The following AGAP1 variants were observed in gnomAD, a reference collection of about 807,000 sequenced individuals.
AGAP1 encodes the protein ArfGAP with GTPase domain, ankyrin repeat and PH domain 1.
Under a neutral mutation model 105.3 loss-of-function variants are expected in AGAP1, and 29 were observed. The observed-to-expected ratio is 0.28, with a 90% CI of 0.21 to 0.38. AGAP1 has a LOEUF of 0.38. Among genes scored for constraint, AGAP1 ranks in the 10% least tolerant of loss-of-function variants. The pLI is 1.00. For missense variants in AGAP1, 998 were observed against 1,165.1 expected (o/e 0.86, Z 2.09); for synonymous variants, 509 against 485.9 (o/e 1.05, Z -0.63).
Position 236,114,373 on chromosome 2 carries a change from T to C in AGAP1, c.2115-5819T>C, listed in dbSNP as rs2059720020. Among the ~76,000 whole-genome samples the C allele has an allele frequency of 6.6e-6, 1 of 152,220 alleles. No individual in the cohort carries two copies. The highest frequency in any genetic ancestry group is 1.5e-5 in the Non-Finnish European group (1 of 68,036). ...GAATAGTCTCATCGAGAAGAAGCCATTGTCAGCGTGTCCCTTGGTCATATG... is the reference window on the plus strand; with the variant it reads ...GAATAGTCTCATCGAGAAGAAGCCACTGTCAGCGTGTCCCTTGGTCATATG... On this transcript the variant is annotated intron_variant, in intron 16 of 17. Transcript: ENST00000304032. This position sits in a 1 kb window ranked among gnomAD's most constrained non-coding sequence, Gnocchi z 5.0.
chr2:235,988,961 T>TAGTTTA lies in AGAP1; in HGVS notation c.1645+20339_1645+20344dup, dbSNP rs2055439694. On this transcript the variant is annotated intron_variant, in intron 13 of 17. Coordinates refer to ENST00000304032, the MANE Select transcript of AGAP1 (RefSeq NM_001037131.3). The surrounding 1 kb of genome is among the most constrained non-coding windows in gnomAD (Gnocchi z 4.7). ...CCTGCACCTTGGGGTCGTTGAGTTT[T>TAGTTTA]AGTTTAGGTCTTCCGAGGAATGCAC... 6.6e-6 allele frequency among the ~76,000 whole-genome samples: 1 copy of TAGTTTA among 152,156 alleles called. No homozygotes were observed. The highest frequency in any genetic ancestry group is 2.1e-4 in the South Asian group (1 of 4,822).
rs753425032 is a variant in AGAP1, at chr2:236,001,123, A to G, written c.1645+32500A>G. ...ACCCTCAGAGGCGAGACGGACGTAC[A>G]GGAAACACCACATGGAGACTCTGGC... On this transcript the variant is annotated intron_variant, in intron 13 of 17. Coordinates refer to ENST00000304032, the MANE Select transcript of AGAP1 (RefSeq NM_001037131.3). This position sits in a 1 kb window ranked among gnomAD's most constrained non-coding sequence, Gnocchi z 4.7. 6.6e-6 allele frequency among the ~76,000 whole-genome samples: 1 copy of G among 152,180 alleles called. No individual in the cohort carries two copies. Among genetic ancestry groups the G allele is most frequent in the Non-Finnish European group, 1.5e-5 (1 of 68,012 alleles).
intron 9 of AGAP1, among the ~76,000 whole-genome samples, chr2:235,871,369 G>T (rs2049428500): frequency 1.3e-5 from 2 of 152,222 alleles, no homozygotes; most frequent in Admixed American, 1.3e-4. Context: ...TGGTAGCTAG[G>T]TGTGCAGGCT....
At position 236,046,637 on chromosome 2, in the gene AGAP1, T is replaced by G. The variant is rs886322752; in HGVS notation, c.1892-2422T>G. 6.6e-6 allele frequency among the ~76,000 whole-genome samples: 1 copy of G among 152,268 alleles called. No individual in the cohort carries two copies. The highest frequency in any genetic ancestry group is 2.4e-5 in the African/African-American group (1 of 41,566). Reference sequence around the variant, plus strand: ...TACGTGGTCGTTGCGTATATAATAATTCAGGAGCCAGGAAGAGGTGTTAGT... The same window carrying G: ...TACGTGGTCGTTGCGTATATAATAAGTCAGGAGCCAGGAAGAGGTGTTAGT... On this transcript the variant is annotated intron_variant, in intron 15 of 17. Coordinates refer to ENST00000304032, the MANE Select transcript of AGAP1 (RefSeq NM_001037131.3). The surrounding 1 kb of genome is among the most constrained non-coding windows in gnomAD (Gnocchi z 5.2).
At chr2:236,034,598 A>G (rs1268333292) in intron 13 of AGAP1, among the ~76,000 whole-genome samples, 1 of 152,084 alleles carries the variant, frequency 6.6e-6, no homozygotes, top group Non-Finnish European at 1.5e-5. Flanking sequence ...AGCACAAAGG[A>G]CACCCCCATA....
At chr2:235,932,959 A>G (rs1016479592) in intron 12 of AGAP1, among the ~76,000 whole-genome samples, 1 of 152,198 alleles carries the variant, frequency 6.6e-6, no homozygotes, top group Non-Finnish European at 1.5e-5. Context: ...AGCAATTTCT[A>G]TAATATTAAC....
At position 235,716,699 on chromosome 2, in the gene AGAP1, G is replaced by A. The variant is rs1317206066; in HGVS notation, c.223-858G>A. Among the ~76,000 whole-genome samples, 1 of 152,128 alleles carries A rather than the reference G, an allele frequency of 6.6e-6. No individual in the cohort carries two copies. Among genetic ancestry groups the A allele is most frequent in the African/African-American group, 2.4e-5 (1 of 41,410 alleles). On this transcript the variant is annotated intron_variant, in intron 2 of 17. Transcript: ENST00000304032. The surrounding 1 kb of genome is among the most constrained non-coding windows in gnomAD (Gnocchi z 4.0). ...GATGAGCAGCTTCCCAGAGAAGGCGGCATGGGGGGTATCCAGCTCCCAAGC... is the reference window on the plus strand; with the variant it reads ...GATGAGCAGCTTCCCAGAGAAGGCGACATGGGGGGTATCCAGCTCCCAAGC...
intron 6 of AGAP1, chr2:235,774,122 A>G (rs1385509985): frequency 1.0e-5 from 4 of 394,012 alleles, no homozygotes; most frequent in African/African-American, 6.4e-5. Flanking sequence ...TCTAGGAGAA[A>G]ACTATTTGTA....
At chr2:236,060,655 A>G (rs1165803453) in intron 16 of AGAP1, among the ~76,000 whole-genome samples, 2 of 152,112 alleles carry the variant, frequency 1.3e-5, no homozygotes, top group Non-Finnish European at 2.9e-5. Context: ...TGATCGCACC[A>G]CTGCACTCCA....
At position 236,012,745 on chromosome 2, in the gene AGAP1, T is replaced by A. The variant is rs1278134154; in HGVS notation, c.1646-23816T>A. ...TTAACACCGCAGATGCCTGCTAGTT[T>A]AGAGGTTGTTTCTTACTAAATTATT... On this transcript the variant is annotated intron_variant, in intron 13 of 17. Transcript: ENST00000304032. This position sits in a 1 kb window ranked among gnomAD's most constrained non-coding sequence, Gnocchi z 4.9. Among the ~76,000 whole-genome samples the A allele has an allele frequency of 6.7e-6, 1 of 148,452 alleles. No individual in the cohort carries two copies. Among genetic ancestry groups the A allele is most frequent in the African/African-American group, 2.5e-5 (1 of 39,246 alleles).
intron 1 of AGAP1, among the ~76,000 whole-genome samples, chr2:235,698,964 G>A (rs994966923): frequency 6.6e-6 from 1 of 152,150 alleles, no homozygotes; most frequent in African/African-American, 2.4e-5. Context: ...CAGGTGTCTG[G>A]AGATTAGAGA....
At chr2:236,075,640 A>G (rs1576240626) in intron 16 of AGAP1, among the ~76,000 whole-genome samples, 1 of 152,132 alleles carries the variant, frequency 6.6e-6, no homozygotes, top group Admixed American at 6.6e-5. Flanking sequence ...GAAGCCCCCC[A>G]GGAGCTTTGA....
chr2:235,588,222 C>T (rs929239902), intron 1 of AGAP1, among the ~76,000 whole-genome samples: 3 of 120,496 alleles, frequency 2.5e-5, no homozygotes, highest in Non-Finnish European at 3.5e-5. Flanking sequence ...GAGTGAGACT[C>T]CGTCTCAAAA....
intron 1 of AGAP1, among the ~76,000 whole-genome samples, chr2:235,526,427 G>A (rs1486922086): frequency 6.6e-6 from 1 of 152,174 alleles, no homozygotes; most frequent in Non-Finnish European, 1.5e-5. Context: ...TGTCTCTTCC[G>A]ATGACTTCCC....
chr2:236,004,403 G>A (rs775034733), intron 13 of AGAP1, among the ~76,000 whole-genome samples: 3 of 152,160 alleles, frequency 2.0e-5, no homozygotes, highest in African/African-American at 4.8e-5. Context: ...GTGGGCCAAA[G>A]CTCATTTCTG....
At chr2:235,770,841 C>T (rs1411053159) in intron 6 of AGAP1, among the ~76,000 whole-genome samples, 1 of 151,904 alleles carries the variant, frequency 6.6e-6, no homozygotes, top group Non-Finnish European at 1.5e-5. Context: ...AGATGGGGTC[C>T]CAAAAGATAC....
intron 9 of AGAP1, among the ~76,000 whole-genome samples, chr2:235,852,249 A>C (rs1420724474): frequency 3.3e-5 from 5 of 152,248 alleles, no homozygotes. Context: ...TAAAAGATTC[A>C]CTTAAAATGC....
intron 12 of AGAP1, among the ~76,000 whole-genome samples, chr2:235,944,146 C>A (rs2053388853): frequency 6.6e-6 from 1 of 152,126 alleles, no homozygotes; most frequent in African/African-American, 2.4e-5. Flanking sequence ...GGAAATATTT[C>A]TATGTATATT....
Position 236,120,510 on chromosome 2 carries a change from C to T in AGAP1, c.2370+63C>T, listed in dbSNP as rs1464230541. 3 of 1,592,004 alleles carry T rather than the reference C, an allele frequency of 1.9e-6. No homozygotes were observed. Among genetic ancestry groups the T allele is most frequent in the Non-Finnish European group, 1.7e-6 (2 of 1,170,862 alleles). ...AGGAGGCACTCTCTGCTTTGTTCTG[C>T]TTCCGTGGGCATCTTTCTGGCAGAA... is the stretch of plus-strand genomic sequence containing the variant. On this transcript the variant is annotated intron_variant, in intron 17 of 17. Coordinates refer to ENST00000304032, the MANE Select transcript of AGAP1 (RefSeq NM_001037131.3). The surrounding 1 kb of genome is among the most constrained non-coding windows in gnomAD (Gnocchi z 6.0).
Sources: gnomAD v4.1 joint callset for allele counts (sites outside exome capture counted in the v4.1 genomes callset) on GRCh38, gnomAD v4.1.1 for gene constraint, Gnocchi (gnomAD v3.1) non-coding constraint, MANE v1.5 for transcripts, NCBI Gene and HGNC (gene_info 2026-07-23, HGNC 2026-07-21) for gene names.